The following ARHGAP25 variants were observed in gnomAD, a reference collection of about 807,000 sequenced individuals.
ARHGAP25 encodes the protein Rho GTPase activating protein 25.
In ARHGAP25, 34 loss-of-function variants were observed where a neutral mutation model predicts 71.0. That is an observed-to-expected ratio of 0.48 (90% CI 0.36 to 0.64). The LOEUF (loss-of-function observed/expected upper bound fraction) is 0.64. ARHGAP25 is among the 30% of genes least tolerant of loss of function. ARHGAP25 has a pLI of 0.00. For missense variants in ARHGAP25, 706 were observed against 805.1 expected (o/e 0.88, Z 1.49); for synonymous variants, 282 against 296.5 (o/e 0.95, Z 0.50).
At chr2:68,768,655 CTT>C (rs1475208549) in intron 1 of ARHGAP25, among the ~76,000 whole-genome samples, 2 of 152,178 alleles carry the variant, frequency 1.3e-5, no homozygotes, top group Non-Finnish European at 2.9e-5. Flanking sequence ...ATGCAAATAA[CTT>C]TTCTGGTCTG....
intron 1 of ARHGAP25, among the ~76,000 whole-genome samples, chr2:68,744,123 T>A (rs1675678163): frequency 6.6e-6 from 1 of 152,202 alleles, no homozygotes; most frequent in Admixed American, 6.5e-5. Flanking sequence ...TGCTCACATT[T>A]TCTCCAGAAA....
At chr2:68,819,804 C>T (rs1415425689) in intron 9 of ARHGAP25, 4 of 293,936 alleles carry the variant, frequency 1.4e-5, no homozygotes, top group Non-Finnish European at 6.3e-6. Flanking sequence ...TGTCAGCCCC[C>T]ACATTTGTGC....
At chr2:68,727,041 T>C (rs2104264021) in intron 2 of ARHGAP25, among the ~76,000 whole-genome samples, 2 of 152,346 alleles carry the variant, frequency 1.3e-5, no homozygotes, top group East Asian at 1.9e-4. Context: ...AAAAGATCTT[T>C]ACGTTTGGTG....
chr2:68,733,261 G>C (rs1034832084), upstream of ARHGAP25, among the ~76,000 whole-genome samples: 14 of 152,180 alleles, frequency 9.2e-5, no homozygotes, highest in African/African-American at 3.4e-4. Flanking sequence ...TGATGGGCCC[G>C]TGAGATGAAG....
Position 68,822,874 on chromosome 2 carries a change from T to TA in ARHGAP25, c.1733+4dup, listed in dbSNP as rs1258609686. ...AATGTATGAGGAACAGATTAAAAAG[T>TA]AAGTCAGACAGAGGGGCACTGAGAG... On this transcript the variant is annotated splice_region_variant and intron_variant, in intron 10 of 10. Transcript: ENST00000409202. 6.2e-7 allele frequency: 1 copy of TA among 1,605,000 alleles called. No homozygotes were observed.
intron 1 of ARHGAP25, among the ~76,000 whole-genome samples, chr2:68,755,572 T>C (rs867743713): frequency 3.3e-5 from 5 of 152,350 alleles, no homozygotes; most frequent in Middle Eastern, 3.4e-3. Context: ...AATGTTAAAG[T>C]CAATTAATTA....
rs1452952520 is a variant in ARHGAP25 at position 68,775,631 on chromosome 2, G to A, written c.261+211G>A. The A allele has an allele frequency of 1.3e-5, 10 of 754,536 alleles. No homozygotes were observed. The African/African-American group carries it at 1.7e-4, about 13-fold the overall frequency. 46.7% of individuals were successfully genotyped at this position (754,536 alleles called of 1,614,324 possible). ...GGTCCTCCAGGAAGCACCAGGACGGGCACTGTGGAGTTTCCTACACATGGC... is the reference window on the plus strand; with the variant it reads ...GGTCCTCCAGGAAGCACCAGGACGGACACTGTGGAGTTTCCTACACATGGC... On this transcript the variant is annotated intron_variant, in intron 2 of 10. Coordinates refer to ENST00000409202, the MANE Select transcript of ARHGAP25 (RefSeq NM_001007231.3).
intron 9 of ARHGAP25, among the ~76,000 whole-genome samples, chr2:68,822,057 GACC>G (rs1300725610): frequency 6.6e-6 from 1 of 151,670 alleles, no homozygotes; most frequent in East Asian, 1.9e-4. Context: ...TAGTTATAAA[GACC>G]ACCCATTCTA....
At chr2:68,774,614 C>T (rs1415636838) in intron 1 of ARHGAP25, among the ~76,000 whole-genome samples, 2 of 152,180 alleles carry the variant, frequency 1.3e-5, no homozygotes, top group African/African-American at 4.8e-5. Flanking sequence ...TCAGAAGGTG[C>T]CAACTCCCTG....
intron 1 of ARHGAP25, among the ~76,000 whole-genome samples, chr2:68,763,652 A>C (rs929014542): frequency 5.9e-5 from 9 of 152,208 alleles, no homozygotes; most frequent in African/African-American, 1.9e-4. Flanking sequence ...TAAATATTGA[A>C]GTATTCTTGC....
chr2:68,741,711 T>A lies in ARHGAP25; in HGVS notation c.61+6451T>A, dbSNP rs78315353. ...ATGAGCCACCACACTCAGCTTCAGATTTCCTACTTTTTAGTAGTGACTGAG... is the reference window on the plus strand; with the variant it reads ...ATGAGCCACCACACTCAGCTTCAGAATTCCTACTTTTTAGTAGTGACTGAG... On this transcript the variant is annotated intron_variant, in intron 1 of 10. Transcript: ENST00000409202. Among the ~76,000 whole-genome samples the A allele has an allele frequency of 4.7e-3, 712 of 152,324 alleles. 1 individual carries two copies. Among genetic ancestry groups the A allele is most frequent in the Non-Finnish European group, 8.0e-3 (544 of 68,026 alleles).
intron 6 of ARHGAP25, among the ~76,000 whole-genome samples, chr2:68,814,707 C>A (rs1261988986): frequency 2.6e-5 from 4 of 152,204 alleles, no homozygotes; most frequent in Admixed American, 2.6e-4. Context: ...GAACTTCCAT[C>A]CCTGACTAAG....
intron 2 of ARHGAP25, among the ~76,000 whole-genome samples, chr2:68,712,552 C>A (rs4854446): frequency 0.23 from 35,701 of 152,050 alleles, 4,444 homozygotes; most frequent in East Asian, 0.37. Flanking sequence ...GTTGCCATTG[C>A]TTTTGGTATT....
At chr2:68,744,249 G>GAT (rs1414031640) in intron 1 of ARHGAP25, among the ~76,000 whole-genome samples, 11 of 151,818 alleles carry the variant, frequency 7.2e-5, no homozygotes, top group African/African-American at 1.7e-4. Context: ...CTGCTTTCTG[G>GAT]ATATATATAT....
At chr2:68,824,520 A>G (rs1403239435) in intron 10 of ARHGAP25, among the ~76,000 whole-genome samples, 1 of 152,210 alleles carries the variant, frequency 6.6e-6, no homozygotes, top group Non-Finnish European at 1.5e-5. Context: ...AGGTGGGTGA[A>G]TCACGAGGTC....
At chr2:68,818,352 G>T (rs1386746095) in intron 8 of ARHGAP25, among the ~76,000 whole-genome samples, 1 of 152,174 alleles carries the variant, frequency 6.6e-6, no homozygotes, top group East Asian at 1.9e-4. Context: ...TATTGAGTTG[G>T]AGCCTCACTC....
chr2:68,807,315 A>G lies in ARHGAP25; in HGVS notation c.509A>G (p.Gln170Arg). The G allele has an allele frequency of 6.2e-7, 1 of 1,614,254 alleles. No individual in the cohort carries two copies. ...QRLDETVAYE[Q>R]KFGPHLVPIL... is the part of the protein sequence containing the mutation. ...TTGGATGAGACTGTGGCCTATGAAC[A>G]GAAATTCGGCCCCCATCTGGTGCCC... Residue 170 changes from glutamine to arginine, a missense_variant, in exon 5 of 11, where the codon CAG becomes CGG. Coordinates refer to ENST00000409202, the MANE Select transcript of ARHGAP25 (RefSeq NM_001007231.3).
At chr2:68,727,144 GC>G (rs1304512901) in intron 2 of ARHGAP25, among the ~76,000 whole-genome samples, 1 of 152,150 alleles carries the variant, frequency 6.6e-6, no homozygotes, top group African/African-American at 2.4e-5. Flanking sequence ...CTTAGTATTT[GC>G]TAAAAGCGTG....
intron 5 of ARHGAP25, among the ~76,000 whole-genome samples, chr2:68,812,709 T>G (rs539271834): frequency 2.0e-5 from 3 of 152,320 alleles, no homozygotes; most frequent in South Asian, 2.1e-4. Flanking sequence ...GGGCCAGGGC[T>G]CCATCCCTGG....
Sources: allele counts gnomAD v4.1 joint callset (sites outside exome capture counted in the v4.1 genomes callset), GRCh38; gene constraint gnomAD v4.1.1; transcripts MANE v1.5; gene names NCBI Gene and HGNC (gene_info 2026-07-23, HGNC 2026-07-21).